Variants in ITGA7 observed in about 807,000 individuals in gnomAD.
ITGA7 encodes the protein integrin alpha-7.
In ITGA7, 84 loss-of-function variants were observed where a neutral mutation model predicts 131.6. That is an observed-to-expected ratio of 0.64 (90% CI 0.54 to 0.77). The LOEUF is 0.77. Among genes scored for constraint, ITGA7 ranks in the 30% least tolerant of loss-of-function variants. ITGA7 has a pLI of 0.00. For missense variants in ITGA7, 1,399 were observed against 1,482.9 expected (o/e 0.94, Z 0.93); for synonymous variants, 548 against 600.7 (o/e 0.91, Z 1.28).
chr12:55,701,144 T>C lies in ITGA7; in HGVS notation c.425A>G (p.His142Arg), dbSNP rs780206421. The C allele has an allele frequency of 6.2e-7, 1 of 1,614,060 alleles. No individual in the cohort carries two copies. The highest frequency in any genetic ancestry group is 1.3e-5 in the African/African-American group (1 of 74,916). Residue 142 changes from histidine to arginine, a missense_variant, in exon 4 of 25, where the codon CAC becomes CGC. Physicochemically the swap from His to Arg is conservative, Grantham distance 29. Coordinates refer to ENST00000257879, the MANE Select transcript of ITGA7 (RefSeq NM_002206.3). ...CACTCGCTGCCTTGCCTCATATCGG[T>C]GTGCACAGGTCTGGGGGAGGAAGGG... Reference protein sequence around the residue: ...GPGGKIVTCAHRYEARQRVDQ... With the variant: ...GPGGKIVTCARRYEARQRVDQ...
upstream of ITGA7, chr12:55,716,152 T>G: frequency 3.7e-6 from 6 of 1,612,454 alleles, no homozygotes; most frequent in Non-Finnish European, 5.1e-6. Context: ...TCCCGCCTCC[T>G]AAAAGAACAC....
chr12:55,699,750 G>A (rs571003676), intron 5 of ITGA7, 120 bp downstream of exon 5: 5 of 1,298,014 alleles, frequency 3.9e-6, no homozygotes, highest in Non-Finnish European at 5.4e-6. Context: ...CCCAATGTAT[G>A]TCTCCCTGGG....
Position 55,688,842 on chromosome 12 carries a change from A to C in ITGA7, c.2958+2T>G, listed in dbSNP as rs1351443200. 6.2e-7 allele frequency: 1 copy of C among 1,609,486 alleles called. No individual in the cohort carries two copies. Among genetic ancestry groups the C allele is most frequent in the Admixed American group, 1.7e-5 (1 of 59,984 alleles). Reference sequence around the variant, plus strand: ...CAGACTAGAGCCGAGTGGTATCCTCACCTCCAGAAAGGTGCTGTTCCAGAG... The same window carrying C: ...CAGACTAGAGCCGAGTGGTATCCTCCCCTCCAGAAAGGTGCTGTTCCAGAG... On this transcript the variant is annotated splice_donor_variant, in intron 22 of 24. Transcript: ENST00000257879. LOFTEE classifies it high-confidence loss of function.
Position 55,694,006 on chromosome 12 carries a change from A to C in ITGA7, c.2535+15T>G. 6.2e-7 allele frequency: 1 copy of C among 1,603,224 alleles called. No individual in the cohort carries two copies. Reference sequence around the variant, plus strand: ...GGGAGGGTGACCATGGAGGGGCCTCATCCCTGACACTTACCGTGACCTCAT... The same window carrying C: ...GGGAGGGTGACCATGGAGGGGCCTCCTCCCTGACACTTACCGTGACCTCAT... On this transcript the variant is annotated intron_variant, in intron 19 of 24. Transcript: ENST00000257879. This position sits in a 1 kb window ranked among gnomAD's most constrained non-coding sequence, Gnocchi z 5.3.
intron 19 of ITGA7, 67 bp from the exon 20 acceptor site, chr12:55,693,384 T>G: frequency 1.5e-6 from 2 of 1,374,564 alleles, no homozygotes; most frequent in Non-Finnish European, 2.0e-6. Flanking sequence ...TTTAATTTTT[T>G]GTAGAGACAG....
rs1414638294 is a variant in ITGA7 at position 55,694,199 on chromosome 12, T to C, written c.2432+57A>G. 8 of 1,612,504 alleles carry C rather than the reference T, an allele frequency of 5.0e-6. No individual in the cohort carries two copies. The highest frequency in any genetic ancestry group is 6.8e-6 in the Non-Finnish European group (8 of 1,178,594). ...ATGAAGGCAGGGCCCTGGCCAAGGTTTGGAAATGTCAATGCCCCCTCCCTC... is the reference window on the plus strand; with the variant it reads ...ATGAAGGCAGGGCCCTGGCCAAGGTCTGGAAATGTCAATGCCCCCTCCCTC... On this transcript the variant is annotated intron_variant, in intron 18 of 24. Coordinates refer to ENST00000257879, the MANE Select transcript of ITGA7 (RefSeq NM_002206.3). The surrounding 1 kb of genome is among the most constrained non-coding windows in gnomAD (Gnocchi z 5.3).
chr12:55,706,240 G>A (rs1276064809), intron 1 of ITGA7, among the ~76,000 whole-genome samples: 1 of 152,218 alleles, frequency 6.6e-6, no homozygotes, highest in Non-Finnish European at 1.5e-5. Flanking sequence ...GAGCAAAGGT[G>A]AATGAGGAAG....
At chr12:55,698,944 G>A (rs778812665) in intron 5 of ITGA7, 27 bp from the exon 6 acceptor site, 2 of 1,577,954 alleles carry the variant, frequency 1.3e-6, no homozygotes, top group Non-Finnish European at 1.7e-6. Flanking sequence ...TTACCCCTAA[G>A]TCTTCACCCC....
At chr12:55,702,833 A>AC in intron 3 of ITGA7, 39 bp downstream of exon 3, 1 of 1,536,668 alleles carries the variant, frequency 6.5e-7, no homozygotes, top group East Asian at 2.2e-5. Flanking sequence ...ACACACACAC[A>AC]CCCCATCCGT....
intron 4 of ITGA7, chr12:55,700,510 C>T (rs1422084535): frequency 1.6e-6 from 2 of 1,268,640 alleles, no homozygotes; most frequent in South Asian, 1.4e-5. Flanking sequence ...GCCCTCTCCC[C>T]ACCCTGTCCC....
At position 55,694,338 on chromosome 12, in the gene ITGA7, G is replaced by C. The variant is rs1175401769; in HGVS notation, c.2358-8C>G. 6.2e-7 allele frequency: 1 copy of C among 1,613,758 alleles called. No individual in the cohort carries two copies. The highest frequency in any genetic ancestry group is 8.5e-7 in the Non-Finnish European group (1 of 1,180,028). ...AGCTCCTGCTCACTGATCCTGGTGA[G>C]TGGGCAGGGGCAAGTATGGGCATCA... On this transcript the variant is annotated splice_region_variant and splice_polypyrimidine_tract_variant and intron_variant, in intron 17 of 24. Transcript: ENST00000257879. The surrounding 1 kb of genome is among the most constrained non-coding windows in gnomAD (Gnocchi z 5.3).
chr12:55,712,376 C>G, upstream of ITGA7: 1 of 775,390 alleles, frequency 1.3e-6, no homozygotes, highest in Non-Finnish European at 2.3e-6. Flanking sequence ...AGCCAGATCT[C>G]CCAGTATGTG....
chr12:55,713,090 T>C (rs1876253273), upstream of ITGA7, among the ~76,000 whole-genome samples: 1 of 151,800 alleles, frequency 6.6e-6, no homozygotes, highest in Non-Finnish European at 1.5e-5. Flanking sequence ...CACCATTATC[T>C]TGACACTTCC....
intron 14 of ITGA7, 41 bp from the exon 15 acceptor site, chr12:55,695,011 TC>T (rs1383019094): frequency 1.3e-6 from 2 of 1,582,056 alleles, no homozygotes; most frequent in Non-Finnish European, 8.6e-7. Context: ...TCTGAACACC[TC>T]CCCCTACCAT....
chr12:55,684,754 C>G lies in ITGA7; in HGVS notation c.*304G>C. The G allele has an allele frequency of 2.6e-6, 1 of 386,374 alleles. No individual in the cohort carries two copies. Among genetic ancestry groups the G allele is most frequent in the Non-Finnish European group, 4.7e-6 (1 of 214,658 alleles). 23.9% of individuals were successfully genotyped at this position (386,374 alleles called of 1,614,324 possible). A position where few individuals can be genotyped will look rare whatever the true frequency, so the allele number is the denominator to read the frequency against. ...GGCAGGTCCTTGGGGTCCTGTTACA[C>G]AGGGTGAATGGGAGAGGAAGGGATT... On this transcript the variant is annotated 3_prime_UTR_variant, in exon 25 of 25. Coordinates refer to ENST00000257879, the MANE Select transcript of ITGA7 (RefSeq NM_002206.3).
chr12:55,716,312 G>A, upstream of ITGA7: 5 of 1,504,722 alleles, frequency 3.3e-6, no homozygotes, highest in Non-Finnish European at 3.5e-6. Context: ...AGCGGGCAAC[G>A]GGCATGGGGG....
At chr12:55,689,602 A>G (rs1232105127) in intron 21 of ITGA7, among the ~76,000 whole-genome samples, 1 of 152,218 alleles carries the variant, frequency 6.6e-6, no homozygotes, top group African/African-American at 2.4e-5. Flanking sequence ...TATATTCATC[A>G]CACCACGATC....
At chr12:55,693,116 A>G in intron 20 of ITGA7, 25 bp downstream of exon 20, 3 of 1,611,492 alleles carry the variant, frequency 1.9e-6, no homozygotes, top group Non-Finnish European at 2.5e-6. Context: ...CCCACATCTA[A>G]CCCCCACCCC....
chr12:55,703,212 G>A (rs746395092), intron 1 of ITGA7, 34 bp from the exon 2 acceptor site: 3 of 1,601,304 alleles, frequency 1.9e-6, no homozygotes, highest in East Asian at 2.2e-5. Context: ...GACAGGGACA[G>A]GAGTTAGAGG....
Sources: allele counts gnomAD v4.1 joint callset (sites outside exome capture counted in the v4.1 genomes callset), GRCh38; gene constraint gnomAD v4.1.1; non-coding constraint Gnocchi (gnomAD v3.1); transcripts MANE v1.5; gene names NCBI Gene and HGNC (gene_info 2026-07-23, HGNC 2026-07-21).